ASAP3: variants seen among roughly 807,000 people sequenced by gnomAD.
The protein encoded by ASAP3 is arf-GAP with SH3 domain, ANK repeat and PH domain-containing protein 3.
A neutral mutation model predicts 118.2 loss-of-function variants in ASAP3; 85 were observed. That is an observed-to-expected ratio of 0.72 (90% CI 0.60 to 0.86). The LOEUF (loss-of-function observed/expected upper bound fraction) is 0.86, where lower values mean the gene tolerates loss of function less well. ASAP3 is among the 40% of genes least tolerant of loss of function. ASAP3 has a pLI of 0.00. For missense variants in ASAP3, 1,026 were observed against 1,175.0 expected (o/e 0.87, Z 1.85); for synonymous variants, 432 against 477.4 (o/e 0.90, Z 1.24).
intron 1 of ASAP3, among the ~76,000 whole-genome samples, chr1:23,481,085 C>G (rs10799796): frequency 0.037 from 5,642 of 152,270 alleles, 144 homozygotes; most frequent in Middle Eastern, 0.15. Flanking sequence ...AACTTTCCCA[C>G]TATCCAGCCG....
Position 23,433,582 on chromosome 1 carries a change from G to T in ASAP3, c.2019+44C>A, listed in dbSNP as rs190635835. 161 of 1,613,614 alleles carry T rather than the reference G, an allele frequency of 1.0e-4. No individual in the cohort carries two copies. In the South Asian group the frequency reaches 1.4e-3, roughly 15 times the overall value. ...TTCAGAGGGTTGGGGGCTCAGCAGG[G>T]AGAGAGAAAGAGTCAGGGGCCCCTT... On this transcript the variant is annotated intron_variant, in intron 20 of 24. Transcript: ENST00000336689.
intron 1 of ASAP3, among the ~76,000 whole-genome samples, chr1:23,482,440 T>C (rs1490299723): frequency 2.0e-5 from 3 of 152,046 alleles, no homozygotes; most frequent in Non-Finnish European, 4.4e-5. Flanking sequence ...GAGAATTGCT[T>C]GAACCCGGGA....
At chr1:23,456,359 A>G (rs1227351588) in intron 1 of ASAP3, among the ~76,000 whole-genome samples, 165 bp from the exon 2 acceptor site, 1 of 152,102 alleles carries the variant, frequency 6.6e-6, no homozygotes, top group Admixed American at 6.5e-5. Context: ...TGTTTACCCC[A>G]CCAAACAAAA....
At chr1:23,441,763 G>C (rs776892515) in intron 7 of ASAP3, 33 bp from the exon 8 acceptor site, 6 of 1,610,694 alleles carry the variant, frequency 3.7e-6, no homozygotes, top group Non-Finnish European at 5.1e-6. Flanking sequence ...CAAGGGTCCA[G>C]ATAAAGATGG....
rs781057403 is a variant in ASAP3, at chr1:23,433,540, A to G, written c.2020-8T>C. 3 of 1,614,194 alleles carry G rather than the reference A, an allele frequency of 1.9e-6. No homozygotes were observed. Among genetic ancestry groups the G allele is most frequent in the East Asian group, 2.2e-5 (1 of 44,878 alleles). On this transcript the variant is annotated splice_polypyrimidine_tract_variant and splice_region_variant and intron_variant, in intron 20 of 24. Transcript: ENST00000336689. ...CGCCTGGGCCTGCTCCAGCTGCCAA[A>G]AACAAAGGCTTGGTGGTTCAGAGGG...
chr1:23,466,960 C>T (rs1404756009), intron 1 of ASAP3, among the ~76,000 whole-genome samples: 1 of 152,036 alleles, frequency 6.6e-6, no homozygotes, highest in African/African-American at 2.4e-5. Flanking sequence ...CTCCGCCTCC[C>T]AGGTTCAAGC....
chr1:23,468,852 C>G (rs1350137767), intron 1 of ASAP3, among the ~76,000 whole-genome samples: 1 of 114,194 alleles, frequency 8.8e-6, no homozygotes, highest in African/African-American at 3.5e-5. Flanking sequence ...GCCTGGGTGA[C>G]AGAGTGAGAC....
intron 1 of ASAP3, among the ~76,000 whole-genome samples, chr1:23,478,449 G>A (rs964328539): frequency 8.0e-5 from 12 of 149,222 alleles, no homozygotes; most frequent in Non-Finnish European, 1.8e-4. Context: ...TGGGTGACAA[G>A]AGTGAAACTC....
Position 23,431,727 on chromosome 1 carries a change from G to A in ASAP3, c.2515C>T (p.Pro839Ser), listed in dbSNP as rs755069632. The stretch of plus-strand genomic sequence containing the variant: ...CTGACGGGGAGGTACATCTCCGAAG[G>A]GGTGGTCCCGGATGTCAGGCTGGGT... ...SRPSLTSGTT[P>S]SEMYLPVRFS... The change falls in exon 23 of 25, where the codon CCT (proline) becomes TCT (serine). Residue 839 changes from proline to serine, a missense_variant. Coordinates refer to ENST00000336689, the MANE Select transcript of ASAP3 (RefSeq NM_017707.4). 2 of 1,522,262 alleles carry A rather than the reference G, an allele frequency of 1.3e-6. No homozygotes were observed. Among genetic ancestry groups the A allele is most frequent in the Non-Finnish European group, 1.8e-6 (2 of 1,140,414 alleles). The allele number at this position is 1,522,262 out of a possible 1,614,324, so 94.3% of individuals were successfully genotyped here.
chr1:23,456,245 G>A (rs1641382148), intron 1 of ASAP3, 51 bp from the exon 2 acceptor site: 1 of 1,556,792 alleles, frequency 6.4e-7, no homozygotes, highest in Non-Finnish European at 8.8e-7. Flanking sequence ...GGAATAGGGT[G>A]CTTCCTTCAG....
intron 1 of ASAP3, among the ~76,000 whole-genome samples, chr1:23,469,074 G>A (rs956899728): frequency 6.6e-6 from 1 of 152,096 alleles, no homozygotes; most frequent in Non-Finnish European, 1.5e-5. Context: ...GGAGGCCCAA[G>A]TGGGTGGATT....
At position 23,433,628 on chromosome 1, in the gene ASAP3, G is replaced by C; in HGVS notation, c.2017C>G (p.Leu673Val). The C allele has an allele frequency of 3.1e-6, 5 of 1,614,248 alleles. No individual in the cohort carries two copies. Among genetic ancestry groups the C allele is most frequent in the Non-Finnish European group, 4.2e-6 (5 of 1,180,044 alleles). ...CCCTTGCCTCCCCGAGTCCTCACCA[G>C]CTCCTCACACTCCTTGTGGTGCTTC... ...RKKHHKECEELLEQAQAGTFA... is the reference protein window; with the variant it reads ...RKKHHKECEEVLEQAQAGTFA... Residue 673 changes from leucine (L) to valine (V), a missense_variant and splice_region_variant, in exon 20 of 25, where the codon CTG becomes GTG. Coordinates refer to ENST00000336689, the MANE Select transcript of ASAP3 (RefSeq NM_017707.4).
intron 1 of ASAP3, among the ~76,000 whole-genome samples, chr1:23,458,653 A>C (rs997106878): frequency 1.3e-5 from 2 of 152,178 alleles, no homozygotes; most frequent in Non-Finnish European, 2.9e-5. Context: ...CTAAAGAGAC[A>C]AAGAGGTGGA....
upstream of ASAP3, chr1:23,484,428 GC>G (rs1166484045): frequency 8.2e-6 from 1 of 121,342 alleles, no homozygotes; most frequent in Non-Finnish European, 1.4e-5. Context: ...CACGCCCCCA[GC>G]CCCTCACCGC....
rs368785112 is a variant in ASAP3, at chr1:23,455,920, G to A, written c.309C>T (p.Ala103=). Residue 103 remains alanine, a synonymous_variant, in exon 3 of 25, where the codon GCC becomes GCT. Transcript: ENST00000336689. ...GCGCAGCAACCTCGCGGGTGAACAC[G>A]GCCAAGTTTAGGAAGCCTGTGGACA... The part of the protein sequence containing the change: ...HELSTGFLNL[A]VFTREVAALF... 45 of 1,614,006 alleles carry A rather than the reference G, an allele frequency of 2.8e-5. No homozygotes were observed. Among genetic ancestry groups the A allele is most frequent in the Middle Eastern group, 1.6e-4 (1 of 6,084 alleles).
chr1:23,469,604 G>T (rs1641896769), intron 1 of ASAP3, among the ~76,000 whole-genome samples: 1 of 152,180 alleles, frequency 6.6e-6, no homozygotes, highest in Admixed American at 6.5e-5. Context: ...CAACAGGAAG[G>T]ACTCCCATTC....
intron 21 of ASAP3, 76 bp downstream of exon 21, chr1:23,433,349 C>G (rs187375494): frequency 1.7e-5 from 27 of 1,612,810 alleles, no homozygotes; most frequent in Non-Finnish European, 2.2e-5. Context: ...TCACCGCCCC[C>G]GCCAACACAC....
chr1:23,436,763 T>C lies in ASAP3; in HGVS notation c.1477-109A>G, dbSNP rs1477730494. The C allele has an allele frequency of 1.4e-6, 2 of 1,474,766 alleles. No individual in the cohort carries two copies. Among genetic ancestry groups the C allele is most frequent in the African/African-American group, 2.8e-5 (2 of 71,040 alleles). 91.4% of individuals were successfully genotyped at this position (1,474,766 alleles called of 1,614,324 possible). On this transcript the variant is annotated intron_variant, in intron 15 of 24. Transcript: ENST00000336689. This position sits in a 1 kb window ranked among gnomAD's most constrained non-coding sequence, Gnocchi z 4.2. ...TCCCGCCCCTCGGCCGCCCTCCCGG[T>C]TCAGGCCCCGCCCCTGACCACCCGC... is the stretch of plus-strand genomic sequence containing the variant.
chr1:23,453,757 C>T (rs1290644193), intron 3 of ASAP3, among the ~76,000 whole-genome samples: 1 of 152,168 alleles, frequency 6.6e-6, no homozygotes, highest in East Asian at 1.9e-4. Flanking sequence ...CTTTTCTGAA[C>T]CATGGCAGCA....
Sources: gnomAD v4.1 joint callset for allele counts (sites outside exome capture counted in the v4.1 genomes callset) on GRCh38, gnomAD v4.1.1 for gene constraint, Gnocchi (gnomAD v3.1) non-coding constraint, MANE v1.5 for transcripts, NCBI Gene and HGNC (gene_info 2026-07-23, HGNC 2026-07-21) for gene names.